The following TRPC4 variants were observed in gnomAD, a reference collection of about 807,000 sequenced individuals.
The protein encoded by TRPC4 is transient receptor potential cation channel subfamily C member 4, also known as short transient receptor potential channel 4.
A neutral mutation model predicts 99.4 loss-of-function variants in TRPC4; 49 were observed. That is an observed-to-expected ratio of 0.49 (90% CI 0.39 to 0.63). The LOEUF (loss-of-function observed/expected upper bound fraction) is 0.63, where lower values mean the gene tolerates loss of function less well. TRPC4 is among the 20% of genes least tolerant of loss of function. The probability of loss-of-function intolerance (pLI) is 0.00; values close to 1 mark genes in which losing one functional copy is unlikely to be tolerated. For missense variants in TRPC4, 898 were observed against 1,152.9 expected (o/e 0.78, Z 3.20); for synonymous variants, 454 against 425.9 (o/e 1.07, Z -0.81).
At chr13:37,665,242 C>T (rs1566079933) in intron 5 of TRPC4, among the ~76,000 whole-genome samples, 1 of 152,042 alleles carries the variant, frequency 6.6e-6, no homozygotes, top group Non-Finnish European at 1.5e-5. Flanking sequence ...TATTTAAGTC[C>T]GTAACTATTG....
chr13:37,666,466 CTT>C (rs1379727287), intron 5 of TRPC4, among the ~76,000 whole-genome samples: 3 of 152,166 alleles, frequency 2.0e-5, no homozygotes, highest in Non-Finnish European at 4.4e-5. Context: ...GTAATTATCT[CTT>C]GATTTTATTC....
At chr13:37,688,436 T>C (rs903412982) in intron 4 of TRPC4, among the ~76,000 whole-genome samples, 2 of 152,174 alleles carry the variant, frequency 1.3e-5, no homozygotes, top group Admixed American at 6.6e-5. Context: ...TATAAAATAA[T>C]GGAAATTCCC....
intron 1 of TRPC4, among the ~76,000 whole-genome samples, chr13:37,790,335 G>A (rs1221270909): frequency 2.6e-5 from 4 of 151,994 alleles, no homozygotes; most frequent in Non-Finnish European, 5.9e-5. Flanking sequence ...ACTCCCTTAG[G>A]GACAGAAAAT....
intron 1 of TRPC4, among the ~76,000 whole-genome samples, chr13:37,833,056 T>C (rs541557499): frequency 1.3e-5 from 2 of 152,276 alleles, no homozygotes; most frequent in Non-Finnish European, 1.5e-5. Context: ...TGCCAGTTCA[T>C]AGTTCTTTTT....
intron 2 of TRPC4, among the ~76,000 whole-genome samples, chr13:37,765,423 T>C (rs915643013): frequency 2.0e-5 from 3 of 151,498 alleles, no homozygotes; most frequent in Admixed American, 1.3e-4. Flanking sequence ...ATATGTTAAA[T>C]TGATTACAGT....
At chr13:37,722,192 G>A (rs1478762039) in intron 3 of TRPC4, among the ~76,000 whole-genome samples, 1 of 152,122 alleles carries the variant, frequency 6.6e-6, no homozygotes, top group Non-Finnish European at 1.5e-5. Flanking sequence ...TTAGACCCAG[G>A]TGAGTTTTGC....
At chr13:37,857,828 G>A (rs1959186247) in intron 1 of TRPC4, among the ~76,000 whole-genome samples, 2 of 151,746 alleles carry the variant, frequency 1.3e-5, no homozygotes, top group South Asian at 2.1e-4. Flanking sequence ...GAAAACTTTG[G>A]AGAAACGCTT....
rs535560169 is a variant in TRPC4 at position 37,866,703 on chromosome 13, G to A, written c.-28+2892C>T. 2.9e-4 allele frequency among the ~76,000 whole-genome samples: 44 copies of A among 151,606 alleles called. 1 individual carries two copies. In the South Asian group the frequency reaches 6.9e-3, roughly 24 times the overall value. On this transcript the variant is annotated intron_variant, in intron 1 of 10. Transcript: ENST00000379705. ...ATTCTCAAATCTCTTAAAATATTGC[G>A]GGGTCAATGCCTCTGGAAGGGTGAG...
At chr13:37,726,438 T>C (rs1186778276) in intron 3 of TRPC4, among the ~76,000 whole-genome samples, 1 of 152,012 alleles carries the variant, frequency 6.6e-6, no homozygotes, top group Non-Finnish European at 1.5e-5. Context: ...AGTTATAACA[T>C]TAGAACATTA....
intron 1 of TRPC4, among the ~76,000 whole-genome samples, chr13:37,810,557 T>C (rs891121372): frequency 9.9e-5 from 15 of 152,110 alleles, no homozygotes; most frequent in East Asian, 3.9e-4. Context: ...GAGTTCACTC[T>C]TGTTAAACAC....
At chr13:37,827,971 G>C (rs140062958) in intron 1 of TRPC4, among the ~76,000 whole-genome samples, 3 of 152,208 alleles carry the variant, frequency 2.0e-5, no homozygotes, top group East Asian at 1.9e-4. Context: ...ATATAATCTC[G>C]TGGTGGGCCG....
intron 2 of TRPC4, among the ~76,000 whole-genome samples, chr13:37,771,532 A>G (rs148962231): frequency 1.7e-4 from 25 of 149,446 alleles, no homozygotes; most frequent in Middle Eastern, 6.8e-3. Context: ...TTTTTTCATT[A>G]TTTTTATGAA....
At chr13:37,727,932 T>C (rs1174052166) in intron 3 of TRPC4, among the ~76,000 whole-genome samples, 1 of 152,066 alleles carries the variant, frequency 6.6e-6, no homozygotes, top group African/African-American at 2.4e-5. Flanking sequence ...ACTGAATGAA[T>C]TTAAAAAATC....
intron 2 of TRPC4, among the ~76,000 whole-genome samples, chr13:37,764,989 A>C (rs1327788693): frequency 1.3e-5 from 2 of 150,708 alleles, no homozygotes; most frequent in African/African-American, 2.4e-5. Flanking sequence ...TCAGGCTTTG[A>C]TGGTAAGGCA....
At position 37,651,298 on chromosome 13, in the gene TRPC4, C is replaced by T; in HGVS notation, c.2046G>A (p.Met682Ile). 1 of 1,614,094 alleles carries T rather than the reference C, an allele frequency of 6.2e-7. No individual in the cohort carries two copies. Among genetic ancestry groups the T allele is most frequent in the Non-Finnish European group, 8.5e-7 (1 of 1,179,966 alleles). ...TTCCAAAACTTTCTGGCTTTCTTCT[C>T]ATCTTTTTCTTGCACAAGTGTGTCC... ...WIWTHLCKKK[M>I]RRKPESFGTI... is the part of the protein sequence containing the mutation. Residue 682 changes from methionine (M) to isoleucine (I), a missense_variant, in exon 8 of 11, where the codon ATG (methionine) becomes ATA (isoleucine). This residue lies in a region of TRPC4 where 346 missense variants were observed against 351.4 expected (regional missense o/e 0.98). Transcript: ENST00000379705.
chr13:37,682,243 C>T (rs1593501795), intron 4 of TRPC4, among the ~76,000 whole-genome samples: 1 of 152,152 alleles, frequency 6.6e-6, no homozygotes, highest in Non-Finnish European at 1.5e-5. Flanking sequence ...GGGGCCTGAC[C>T]TTGGAAGTCT....
chr13:37,727,914 C>T (rs984180097), intron 3 of TRPC4, among the ~76,000 whole-genome samples: 10 of 151,872 alleles, frequency 6.6e-5, no homozygotes, highest in African/African-American at 1.7e-4. Flanking sequence ...ATGTAATATA[C>T]TATATTAACT....
chr13:37,639,064 T>G lies in TRPC4; in HGVS notation c.2187A>C (p.Glu729Asp), dbSNP rs932301230. The G allele has an allele frequency of 3.7e-6, 6 of 1,613,542 alleles. No homozygotes were observed. Among genetic ancestry groups the G allele is most frequent in the Non-Finnish European group, 5.1e-6 (6 of 1,179,624 alleles). The change falls in exon 10 of 11, where the codon GAA becomes GAC. Residue 729 changes from glutamate (E) to aspartate (D), a missense_variant. By Grantham distance (45) the Glu-to-Asp change is conservative (BLOSUM62 2). Around this residue, in one of 3 missense-constraint regions of TRPC4, gnomAD observed 346 missense variants for 351.4 expected, o/e 0.98. Coordinates refer to ENST00000379705, the MANE Select transcript of TRPC4 (RefSeq NM_016179.4). ...AAMIRDAKTE[E>D]GLTEENFKEL... ...CCTTAAAGTTCTCTTCGGTCAGGCC[T>G]TCTTCAGTTTTAGCATCTCTAATCA... is the stretch of plus-strand genomic sequence containing the variant.
chr13:37,824,881 G>C (rs1015513435), intron 1 of TRPC4, among the ~76,000 whole-genome samples: 4 of 152,150 alleles, frequency 2.6e-5, no homozygotes, highest in African/African-American at 9.6e-5. Context: ...GGCAGAATTC[G>C]GCTGTGAATC....
Sources: gnomAD v4.1 joint callset for allele counts (sites outside exome capture counted in the v4.1 genomes callset) on GRCh38, gnomAD v4.1.1 for gene constraint, gnomAD v4.1.1 regional missense constraint, MANE v1.5 for transcripts, NCBI Gene and HGNC (gene_info 2026-07-23, HGNC 2026-07-21) for gene names.